The following CNTN5 variants were observed in gnomAD, a reference collection of about 807,000 sequenced individuals.
The protein encoded by CNTN5 is contactin 5.
A neutral mutation model predicts 129.1 loss-of-function variants in CNTN5; 77 were observed. The ratio of observed to expected loss-of-function variants is 0.60; its 90% CI spans 0.50 to 0.72. The LOEUF (loss-of-function observed/expected upper bound fraction) is 0.72, where lower values mean the gene tolerates loss of function less well. Among genes scored for constraint, CNTN5 ranks in the 30% least tolerant of loss-of-function variants. The pLI, the probability that CNTN5 is intolerant of heterozygous loss-of-function variation, is 0.00. For missense variants in CNTN5, 1,478 were observed against 1,328.8 expected, an observed-to-expected ratio of 1.11 and a Z score of -1.75; for synonymous variants, 509 against 465.6, an observed-to-expected ratio of 1.09 and a Z score of -1.20.
At chr11:99,672,008 GTCA>G (rs1953066176) in intron 3 of CNTN5, among the ~76,000 whole-genome samples, 1 of 152,220 alleles carries the variant, frequency 6.6e-6, no homozygotes, top group Admixed American at 6.5e-5. Flanking sequence ...AATGTGCTGT[GTCA>G]TCATCTCCTT....
chr11:99,195,138 G>T (rs1196029879), intron 1 of CNTN5, among the ~76,000 whole-genome samples: 1 of 151,598 alleles, frequency 6.6e-6, no homozygotes, highest in Non-Finnish European at 1.5e-5. Flanking sequence ...GTAATCTGAA[G>T]GATTATATTT....
chr11:99,353,399 T>G (rs762660556), intron 2 of CNTN5, among the ~76,000 whole-genome samples: 2 of 152,180 alleles, frequency 1.3e-5, no homozygotes, highest in African/African-American at 4.8e-5. Flanking sequence ...TTGATCCAGT[T>G]GAGTGTATGC....
chr11:99,873,246 T>C (rs1948548885), intron 6 of CNTN5, among the ~76,000 whole-genome samples: 1 of 151,940 alleles, frequency 6.6e-6, no homozygotes, highest in Non-Finnish European at 1.5e-5. Flanking sequence ...CATGAGTTCA[T>C]TCCTAAAGTT....
chr11:99,610,144 TG>T (rs2135727363), intron 3 of CNTN5, among the ~76,000 whole-genome samples: 1 of 152,326 alleles, frequency 6.6e-6, no homozygotes, highest in African/African-American at 2.4e-5. Context: ...CTTTCTAATG[TG>T]TGCAAAACAC....
At chr11:100,342,000 A>G (rs1271157167) in intron 23 of CNTN5, among the ~76,000 whole-genome samples, 1 of 151,990 alleles carries the variant, frequency 6.6e-6, no homozygotes, top group African/African-American at 2.4e-5. Context: ...GTTTTCAACT[A>G]TCAGAGATGG....
At chr11:99,832,933 G>C (rs995630979) in intron 4 of CNTN5, among the ~76,000 whole-genome samples, 5 of 152,024 alleles carry the variant, frequency 3.3e-5, no homozygotes, top group African/African-American at 1.2e-4. Context: ...TAATCCCTGA[G>C]AAAAATAAGC....
intron 6 of CNTN5, among the ~76,000 whole-genome samples, chr11:99,867,349 A>G (rs1477076191): frequency 6.6e-6 from 1 of 152,222 alleles, no homozygotes; most frequent in African/African-American, 2.4e-5. Context: ...ACCAGAGTGC[A>G]TGAGGTTTCT....
At chr11:99,178,959 G>T (rs568750474) in intron 1 of CNTN5, among the ~76,000 whole-genome samples, 12 of 151,986 alleles carry the variant, frequency 7.9e-5, no homozygotes, top group Admixed American at 7.9e-4. Flanking sequence ...CAACTATGGG[G>T]ACAGGGTTAT....
chr11:99,702,712 G>C (rs1954575949), intron 3 of CNTN5, among the ~76,000 whole-genome samples: 2 of 150,742 alleles, frequency 1.3e-5, no homozygotes. Flanking sequence ...GCCCATTCTT[G>C]TGTCTTTATA....
chr11:99,904,087 T>C (rs1468696112), intron 6 of CNTN5, among the ~76,000 whole-genome samples: 1 of 152,200 alleles, frequency 6.6e-6, no homozygotes, highest in Non-Finnish European at 1.5e-5. Flanking sequence ...CTTGCAAATA[T>C]TGTATATAGT....
intron 1 of CNTN5, among the ~76,000 whole-genome samples, chr11:99,225,726 A>G (rs1860648384): frequency 6.6e-6 from 1 of 152,192 alleles, no homozygotes; most frequent in African/African-American, 2.4e-5. Flanking sequence ...ATGCAATTTA[A>G]TGATATTTTT....
At chr11:99,504,625 CTTG>C (rs1255738464) in intron 2 of CNTN5, among the ~76,000 whole-genome samples, 4 of 151,618 alleles carry the variant, frequency 2.6e-5, no homozygotes, top group Non-Finnish European at 1.5e-5. Flanking sequence ...TATTTCTACT[CTTG>C]TTGTGGATGA....
chr11:99,535,051 T>C (rs1234363210), intron 2 of CNTN5, among the ~76,000 whole-genome samples: 1 of 152,180 alleles, frequency 6.6e-6, no homozygotes, highest in Non-Finnish European at 1.5e-5. Flanking sequence ...GTAGTATGTA[T>C]GCCATAGGTC....
chr11:99,274,905 C>T (rs1157606566), intron 1 of CNTN5, among the ~76,000 whole-genome samples: 1 of 151,246 alleles, frequency 6.6e-6, no homozygotes, highest in African/African-American at 2.4e-5. Context: ...TTATTAATTA[C>T]CAGTAGTTGT....
intron 1 of CNTN5, among the ~76,000 whole-genome samples, chr11:99,227,671 C>T (rs2135719214): frequency 6.6e-6 from 1 of 152,140 alleles, no homozygotes; most frequent in East Asian, 1.9e-4. Context: ...AAAGAAGGGG[C>T]TTAATATAAA....
At chr11:99,339,306 G>C (rs529646864) in intron 2 of CNTN5, among the ~76,000 whole-genome samples, 1 of 152,092 alleles carries the variant, frequency 6.6e-6, no homozygotes, top group Non-Finnish European at 1.5e-5. Context: ...GAATGTCTTG[G>C]CAGAAATAAA....
chr11:99,696,726 A>G (rs937915343), intron 3 of CNTN5, among the ~76,000 whole-genome samples: 7 of 151,748 alleles, frequency 4.6e-5, no homozygotes, highest in African/African-American at 1.7e-4. Flanking sequence ...CCATGTTTTT[A>G]TAAATAGTCT....
intron 1 of CNTN5, among the ~76,000 whole-genome samples, chr11:99,231,697 A>G (rs1159646414): frequency 1.3e-5 from 2 of 151,942 alleles, no homozygotes; most frequent in African/African-American, 4.8e-5. Context: ...AATTGCTTTT[A>G]ACATTTTTGT....
At chr11:99,226,433 T>A (rs1311523261) in intron 1 of CNTN5, among the ~76,000 whole-genome samples, 2 of 152,184 alleles carry the variant, frequency 1.3e-5, no homozygotes, top group African/African-American at 4.8e-5. Flanking sequence ...TCAGTGCACA[T>A]TCTTACCAAT....
Sources: allele counts gnomAD v4.1 joint callset (sites outside exome capture counted in the v4.1 genomes callset), GRCh38; gene constraint gnomAD v4.1.1; transcripts MANE v1.5; gene names NCBI Gene and HGNC (gene_info 2026-07-23, HGNC 2026-07-21).